The following DENND5B variants were observed in gnomAD, a reference collection of about 807,000 sequenced individuals.
DENND5B encodes the protein DENN domain-containing protein 5B.
DENND5B carries 34 observed loss-of-function variants against 140.6 expected under a neutral mutation model. The ratio of observed to expected loss-of-function variants is 0.24; its 90% confidence interval spans 0.18 to 0.32. The LOEUF is 0.32. Ranked by LOEUF, DENND5B falls within the 10% of genes least tolerant of loss-of-function variation. The pLI, the probability that DENND5B is intolerant of heterozygous loss-of-function variation, is 1.00. For synonymous variants in DENND5B, 551 were observed against 562.1 expected (o/e 0.98, Z 0.28); for missense variants, 1,142 against 1,560.2 (o/e 0.73, Z 4.52).
chr12:31,456,943 G>A (rs1944803256), intron 4 of DENND5B, among the ~76,000 whole-genome samples: 1 of 152,136 alleles, frequency 6.6e-6, no homozygotes, highest in African/African-American at 2.4e-5. Context: ...AATTAGCTGG[G>A]TGTGGTGGTG....
intron 13 of DENND5B, among the ~76,000 whole-genome samples, chr12:31,411,336 CTTTTTTT>C (rs143130029): frequency 6.4e-5 from 4 of 62,092 alleles, no homozygotes; most frequent in South Asian, 1.4e-3. Context: ...CACGCCCGGC[CTTTTTTT>C]TTTTTTTTTT....
At chr12:31,499,382 A>G (rs528972743) in intron 1 of DENND5B, among the ~76,000 whole-genome samples, 1 of 152,230 alleles carries the variant, frequency 6.6e-6, no homozygotes, top group Non-Finnish European at 1.5e-5. Context: ...AAAGTAGGAA[A>G]TATCTGCCAA....
chr12:31,446,619 G>A (rs558790808), intron 6 of DENND5B, among the ~76,000 whole-genome samples: 67 of 152,194 alleles, frequency 4.4e-4, no homozygotes, highest in East Asian at 1.9e-3. Flanking sequence ...ACATAAGGCC[G>A]GGCGCAGTGG....
intron 2 of DENND5B, among the ~76,000 whole-genome samples, chr12:31,488,883 A>G (rs1946409900): frequency 6.6e-6 from 1 of 152,216 alleles, no homozygotes; most frequent in African/African-American, 2.4e-5. Context: ...GGTGTCACTG[A>G]TGATCAGACT....
chr12:31,542,904 C>T (rs547407358), intron 1 of DENND5B, among the ~76,000 whole-genome samples: 1 of 152,206 alleles, frequency 6.6e-6, no homozygotes, highest in Non-Finnish European at 1.5e-5. Flanking sequence ...TGCAGGGAGC[C>T]AAGACTGTGC....
intron 1 of DENND5B, among the ~76,000 whole-genome samples, chr12:31,568,675 T>A (rs935326831): frequency 6.6e-6 from 1 of 152,178 alleles, no homozygotes; most frequent in African/African-American, 2.4e-5. Context: ...AAGTCAACAG[T>A]GCATAAAGGT....
chr12:31,392,799 A>G (rs1941220114), intron 17 of DENND5B, 103 bp from the exon 18 acceptor site: 29 of 1,166,848 alleles, frequency 2.5e-5, no homozygotes, highest in Non-Finnish European at 3.4e-5. Context: ...ACGTCATCAG[A>G]GCAGGCTGGC....
intron 15 of DENND5B, among the ~76,000 whole-genome samples, chr12:31,400,999 T>A (rs527462453): frequency 6.6e-6 from 1 of 151,918 alleles, no homozygotes; most frequent in Non-Finnish European, 1.5e-5. Context: ...TGTGCCACCA[T>A]GCCCGGCTAA....
intron 1 of DENND5B, among the ~76,000 whole-genome samples, chr12:31,521,313 CTT>C (rs10718996): frequency 2.4e-4 from 36 of 147,668 alleles, no homozygotes; most frequent in Admixed American, 4.1e-4. Flanking sequence ...TACAAAAAAA[CTT>C]TTTTTTTTTT....
chr12:31,536,395 C>T (rs1032466269), intron 1 of DENND5B, among the ~76,000 whole-genome samples: 9 of 151,866 alleles, frequency 5.9e-5, no homozygotes, highest in African/African-American at 1.9e-4. Context: ...AAAAGAACTA[C>T]GCAGAAATTC....
At chr12:31,418,067 G>A (rs941192070) in intron 11 of DENND5B, among the ~76,000 whole-genome samples, 1 of 152,104 alleles carries the variant, frequency 6.6e-6, no homozygotes, top group Admixed American at 6.6e-5. Flanking sequence ...AGAGGTTGTG[G>A]CCAGTCCAAT....
At chr12:31,444,617 A>G (rs1364913719) in intron 6 of DENND5B, among the ~76,000 whole-genome samples, 3 of 152,192 alleles carry the variant, frequency 2.0e-5, no homozygotes, top group African/African-American at 7.2e-5. Flanking sequence ...GAGAGGCTGA[A>G]AGAAAATCTA....
chr12:31,561,112 G>C (rs1171733555), intron 1 of DENND5B, among the ~76,000 whole-genome samples: 2 of 152,104 alleles, frequency 1.3e-5, no homozygotes, highest in African/African-American at 4.8e-5. Context: ...GTATGTAAGG[G>C]ATGAAGAAAA....
rs1024564038 is a variant in DENND5B at position 31,384,692 on chromosome 12, A to C, written c.*2911T>G. 6.6e-6 allele frequency: 1 copy of C among 152,144 alleles called. No homozygotes were observed. The highest frequency in any genetic ancestry group is 1.5e-5 in the Non-Finnish European group (1 of 68,028). 9.4% of individuals were successfully genotyped at this position (152,144 alleles called of 1,614,324 possible). A position where few individuals can be genotyped will look rare whatever the true frequency, so the allele number is the denominator to read the frequency against. ...GCATGAAGATGAAACTTCAGGTGTAACTTTTTTGGGGGTATTACTTTTTAA... is the reference window on the plus strand; with the variant it reads ...GCATGAAGATGAAACTTCAGGTGTACCTTTTTTGGGGGTATTACTTTTTAA... On this transcript the variant is annotated 3_prime_UTR_variant, in exon 21 of 21. Coordinates refer to ENST00000389082, the MANE Select transcript of DENND5B (RefSeq NM_144973.4).
rs1593139302 is a variant in DENND5B at position 31,428,307 on chromosome 12, A to G, written c.2107-1883T>C. ...CAATGAGCCAAGATCGTGCCATCGCACTCCAGCCTAGGTGACAAAAGCAAG... is the reference window on the plus strand; with the variant it reads ...CAATGAGCCAAGATCGTGCCATCGCGCTCCAGCCTAGGTGACAAAAGCAAG... On this transcript the variant is annotated intron_variant, in intron 8 of 20. Transcript: ENST00000389082. Among the ~76,000 whole-genome samples, 7 of 150,552 alleles carry G rather than the reference A, an allele frequency of 4.6e-5. No homozygotes were observed. In the South Asian group the frequency reaches 1.5e-3, roughly 32 times the overall value.
At chr12:31,509,371 A>G (rs1423366142) in intron 1 of DENND5B, among the ~76,000 whole-genome samples, 1 of 152,168 alleles carries the variant, frequency 6.6e-6, no homozygotes, top group Admixed American at 6.5e-5. Context: ...CTATAATCCC[A>G]ACACTTTGGG....
chr12:31,495,975 T>A, intron 1 of DENND5B, 56 bp from the exon 2 acceptor site: 1 of 1,282,374 alleles, frequency 7.8e-7, no homozygotes, highest in African/African-American at 1.5e-5. Context: ...CATGTCATAG[T>A]TTTCTATTTA....
At chr12:31,501,012 C>T (rs1412334203) in intron 1 of DENND5B, among the ~76,000 whole-genome samples, 1 of 152,184 alleles carries the variant, frequency 6.6e-6, no homozygotes, top group Non-Finnish European at 1.5e-5. Context: ...GTCTGAGATT[C>T]TGTCATAGCC....
chr12:31,566,338 CTGTGTGTGTGTG>C (rs6144677), intron 1 of DENND5B, among the ~76,000 whole-genome samples: 49 of 148,332 alleles, frequency 3.3e-4, no homozygotes, highest in Admixed American at 5.4e-4. Flanking sequence ...CTCTTAAAAA[CTGTGTGTGTGTG>C]TGTGTGTGTG....
Sources: gnomAD v4.1 joint callset for allele counts (sites outside exome capture counted in the v4.1 genomes callset) on GRCh38, gnomAD v4.1.1 for gene constraint, MANE v1.5 for transcripts, NCBI Gene and HGNC (gene_info 2026-07-23, HGNC 2026-07-21) for gene names.